The following TRAPPC8 variants were observed in gnomAD, a reference collection of about 807,000 sequenced individuals.
TRAPPC8 encodes the protein trafficking protein particle complex subunit 8, also known as general sporulation gene 1 homolog.
In TRAPPC8, 54 loss-of-function variants were observed where a neutral mutation model predicts 174.3. The ratio of observed to expected loss-of-function variants is 0.31; its 90% confidence interval spans 0.25 to 0.39. The LOEUF is 0.39. TRAPPC8 is among the 10% of genes least tolerant of loss of function. TRAPPC8 has a pLI of 1.00. For synonymous variants in TRAPPC8, 630 were observed against 579.9 expected (o/e 1.09, Z -1.24); for missense variants, 1,531 against 1,699.1 (o/e 0.90, Z 1.74).
intron 2 of TRAPPC8, among the ~76,000 whole-genome samples, chr18:31,927,365 C>A (rs1407290177): frequency 6.6e-6 from 1 of 152,004 alleles, no homozygotes; most frequent in African/African-American, 2.4e-5. Flanking sequence ...CAGGTTCAAG[C>A]GATTCTCCTG....
At chr18:31,924,838 T>A (rs1317097246) in intron 2 of TRAPPC8, among the ~76,000 whole-genome samples, 1 of 151,418 alleles carries the variant, frequency 6.6e-6, no homozygotes, top group African/African-American at 2.4e-5. Flanking sequence ...TCCTCCCGTA[T>A]GAGGAGATGT....
chr18:31,874,223 A>C, intron 13 of TRAPPC8: 2 of 479,520 alleles, frequency 4.2e-6, no homozygotes, highest in Non-Finnish European at 7.3e-6. Flanking sequence ...AACCTGTGGA[A>C]TCTTTTTTTT....
At chr18:31,853,432 T>C (rs567552518) in intron 22 of TRAPPC8, among the ~76,000 whole-genome samples, 1 of 152,064 alleles carries the variant, frequency 6.6e-6, no homozygotes, top group South Asian at 2.1e-4. Flanking sequence ...CACGCCCAGC[T>C]AATTTTTGTA....
In TRAPPC8 at chr18:31,874,526, G is replaced by A. The variant is rs1475594114; in HGVS notation, c.1907C>T (p.Ala636Val). ...TCTGAGGAAAGCCCCCTGTTGAGCA[G>A]CAGATTGTTTACTTTCATTAATTAG... The part of the protein sequence containing the change: ...HILINESKQS[A>V]AQQGAFLREY... Residue 636 changes from alanine (A) to valine (V), a missense_variant, in exon 13 of 29, where the codon GCT (alanine) becomes GTT (valine). Ala to Val is a moderately conservative substitution (Grantham distance 64, BLOSUM62 0). Coordinates refer to ENST00000283351, the MANE Select transcript of TRAPPC8 (RefSeq NM_014939.5). The A allele has an allele frequency of 6.2e-7, 1 of 1,613,990 alleles. No individual in the cohort carries two copies. The highest frequency in any genetic ancestry group is 8.5e-7 in the Non-Finnish European group (1 of 1,180,024).
At chr18:31,874,432 C>G (rs200385050) in intron 13 of TRAPPC8, 48 bp downstream of exon 13, 1 of 1,523,784 alleles carries the variant, frequency 6.6e-7, no homozygotes, top group African/African-American at 1.4e-5. Flanking sequence ...TACTTTCACA[C>G]TAAAATACAG....
chr18:31,910,658 G>C (rs956435374), intron 5 of TRAPPC8, among the ~76,000 whole-genome samples: 1 of 152,176 alleles, frequency 6.6e-6, no homozygotes, highest in Non-Finnish European at 1.5e-5. Context: ...AGAATACAGT[G>C]AGTACTGTCA....
intron 12 of TRAPPC8, among the ~76,000 whole-genome samples, chr18:31,877,610 C>A (rs1168755304): frequency 0.01 from 807 of 77,066 alleles, no homozygotes; most frequent in Middle Eastern, 0.016. Context: ...GACTCCGTCT[C>A]AAAAAAAAAA....
intron 1 of TRAPPC8, among the ~76,000 whole-genome samples, chr18:31,932,712 T>C (rs1022877460): frequency 6.6e-6 from 1 of 152,138 alleles, no homozygotes; most frequent in African/African-American, 2.4e-5. Context: ...CTGGGCACAG[T>C]GGCTCACGCC....
chr18:31,846,897 T>A (rs2033439629), intron 25 of TRAPPC8, 80 bp from the exon 26 acceptor site: 4 of 1,014,964 alleles, frequency 3.9e-6, no homozygotes, highest in Middle Eastern at 2.5e-4. Flanking sequence ...TGATAGAAAG[T>A]GGAAATAATA....
At chr18:31,910,623 C>G (rs2036864573) in intron 5 of TRAPPC8, among the ~76,000 whole-genome samples, 1 of 152,180 alleles carries the variant, frequency 6.6e-6, no homozygotes, top group Non-Finnish European at 1.5e-5. Context: ...TTTGGGTGAT[C>G]AGACATGCAA....
Position 31,910,609 on chromosome 18 carries a change from A to T in TRAPPC8, c.772-849T>A, listed in dbSNP as rs148546852. Among the ~76,000 whole-genome samples, 434 of 152,336 alleles carry T rather than the reference A, an allele frequency of 2.8e-3. 2 individuals carry two copies. Among genetic ancestry groups the T allele is most frequent in the African/African-American group, 9.5e-3 (397 of 41,576 alleles). On this transcript the variant is annotated intron_variant, in intron 5 of 28. Coordinates refer to ENST00000283351, the MANE Select transcript of TRAPPC8 (RefSeq NM_014939.5). ...TATTGATCCTTAAGCAAAATGAGAG[A>T]ATTTTTGGGTGATCAGACATGCAAT...
In TRAPPC8 at chr18:31,902,375, C is replaced by T. The variant is rs115236842; in HGVS notation, c.1390-1350G>A. ...ACAACAACAACAAAGTATGCTGACC[C>T]TACACTGGTCCGAGCAACCTCTTGG... On this transcript the variant is annotated intron_variant, in intron 9 of 28. Transcript: ENST00000283351. Among the ~76,000 whole-genome samples the T allele has an allele frequency of 5.5e-3, 839 of 152,234 alleles. 5 individuals carry two copies. The highest frequency in any genetic ancestry group is 0.019 in the African/African-American group (798 of 41,542).
intron 25 of TRAPPC8, among the ~76,000 whole-genome samples, chr18:31,848,608 ATGTT>A (rs901572328): frequency 2.4e-4 from 36 of 152,312 alleles, no homozygotes; most frequent in Non-Finnish European, 4.3e-4. Flanking sequence ...TTTCAAAAAA[ATGTT>A]TATTTAAAAA....
intron 11 of TRAPPC8, among the ~76,000 whole-genome samples, chr18:31,894,492 A>G (rs905888453): frequency 2.0e-5 from 3 of 152,222 alleles, no homozygotes; most frequent in East Asian, 1.9e-4. Context: ...ATCTGTTGAT[A>G]GCACTTCAAC....
intron 21 of TRAPPC8, 86 bp from the exon 22 acceptor site, chr18:31,854,031 A>G: frequency 1.0e-6 from 1 of 990,732 alleles, no homozygotes; most frequent in Admixed American, 2.6e-5. Flanking sequence ...AGACACTGCT[A>G]CCAAAGTCAA....
chr18:31,941,065 G>A (rs1454818695), intron 1 of TRAPPC8, among the ~76,000 whole-genome samples: 2 of 152,142 alleles, frequency 1.3e-5, no homozygotes, highest in Non-Finnish European at 1.5e-5. Flanking sequence ...GCAAGTATCA[G>A]GTATTAGCAT....
intron 9 of TRAPPC8, 138 bp downstream of exon 9, chr18:31,907,322 A>G (rs1294092240): frequency 2.6e-6 from 2 of 773,048 alleles, no homozygotes; most frequent in African/African-American, 3.6e-5. Flanking sequence ...CTCAGCATTA[A>G]GGAATTAACA....
Position 31,908,821 on chromosome 18 carries a change from A to G in TRAPPC8, c.1055T>C (p.Ile352Thr). The part of the protein sequence containing the change: ...LTDHDRIRQF[I>T]QEFTFRGLLP... Reference sequence around the variant, plus strand: ...AAGGCCCCGAAATGTGAACTCTTGTATAAACTGTCGAATTCTATCATGATC... The same window carrying G: ...AAGGCCCCGAAATGTGAACTCTTGTGTAAACTGTCGAATTCTATCATGATC... Residue 352 changes from isoleucine (I) to threonine (T), a missense_variant, in exon 7 of 29, where the codon ATA (isoleucine) becomes ACA (threonine). Physicochemically the swap from Ile to Thr is moderately conservative, Grantham distance 89. Transcript: ENST00000283351. 1.2e-6 allele frequency: 2 copies of G among 1,613,748 alleles called. No homozygotes were observed. The highest frequency in any genetic ancestry group is 1.7e-6 in the Non-Finnish European group (2 of 1,179,734).
At chr18:31,870,301 A>C in intron 16 of TRAPPC8, 71 bp downstream of exon 16, 6 of 1,413,982 alleles carry the variant, frequency 4.2e-6, no homozygotes, top group Non-Finnish European at 5.8e-6. Context: ...AACAGAGTAC[A>C]TTGAAATGTT....
Sources: gnomAD v4.1 joint callset for allele counts (sites outside exome capture counted in the v4.1 genomes callset) on GRCh38, gnomAD v4.1.1 for gene constraint, MANE v1.5 for transcripts, NCBI Gene and HGNC (gene_info 2026-07-23, HGNC 2026-07-21) for gene names.